Variants in PAICS observed in about 807,000 individuals in gnomAD.
PAICS encodes bifunctional phosphoribosylaminoimidazole carboxylase/phosphoribosylaminoimidazole succinocarboxamide synthetase.
Under a neutral mutation model 53.7 loss-of-function variants are expected in PAICS, and 33 were observed. The ratio of observed to expected loss-of-function variants is 0.61; its 90% CI spans 0.47 to 0.82. The LOEUF (loss-of-function observed/expected upper bound fraction) is 0.82, where lower values mean the gene tolerates loss of function less well. Ranked by LOEUF, PAICS falls within the 40% of genes least tolerant of loss-of-function variation. PAICS has a pLI of 0.00. For missense variants in PAICS, 394 were observed against 494.1 expected, an observed-to-expected ratio of 0.80 and a Z score of 1.92; for synonymous variants, 141 against 167.2, an observed-to-expected ratio of 0.84 and a Z score of 1.21.
chr4:56,444,666 T>C (rs1445966968), intron 2 of PAICS, among the ~76,000 whole-genome samples: 1 of 152,192 alleles, frequency 6.6e-6, no homozygotes, highest in East Asian at 1.9e-4. Flanking sequence ...GAATTTGCTT[T>C]CATATTTAGC....
At chr4:56,416,445 T>C in the PAICS span, 8 of 509,566 alleles carry the variant, frequency 1.6e-5, no homozygotes, top group Non-Finnish European at 2.0e-5. Context: ...CTAGGTATAG[T>C]ATAATGGATG....
At chr4:56,428,117 C>T in the PAICS span, among the ~76,000 whole-genome samples, 1 of 152,164 alleles carries the variant, frequency 6.6e-6, no homozygotes, top group East Asian at 1.9e-4. Flanking sequence ...CACAAAATTT[C>T]TTTTGACTCA....
the PAICS span, among the ~76,000 whole-genome samples, chr4:56,427,773 C>T: frequency 6.6e-6 from 1 of 152,132 alleles, no homozygotes; most frequent in East Asian, 1.9e-4. Flanking sequence ...CCCCCTGCTG[C>T]ACATCATCAC....
chr4:56,416,148 T>C, the PAICS span, among the ~76,000 whole-genome samples: 9 of 152,250 alleles, frequency 5.9e-5, no homozygotes, highest in East Asian at 1.5e-3. Flanking sequence ...CAAACAATTC[T>C]AGCAGAACTT....
chr4:56,444,662 G>C (rs1277485095), intron 2 of PAICS, among the ~76,000 whole-genome samples: 1 of 152,066 alleles, frequency 6.6e-6, no homozygotes, highest in Admixed American at 6.6e-5. Context: ...CATGGAATTT[G>C]CTTTCATATT....
chr4:56,430,420 A>G, the PAICS span, among the ~76,000 whole-genome samples: 1 of 152,166 alleles, frequency 6.6e-6, no homozygotes, highest in African/African-American at 2.4e-5. Context: ...TCCTGAACCA[A>G]TAAGGTCTCT....
intron 1 of PAICS, chr4:56,436,631 A>G (rs1240783082): frequency 3.1e-6 from 2 of 649,342 alleles, no homozygotes; most frequent in Non-Finnish European, 5.7e-6. Flanking sequence ...GATTCGTCAA[A>G]ACCTGAGTCT....
upstream of PAICS, among the ~76,000 whole-genome samples, chr4:56,432,533 A>G (rs1717643754): frequency 6.6e-6 from 1 of 151,426 alleles, no homozygotes; most frequent in Non-Finnish European, 1.5e-5. Context: ...CTCAAAAAAA[A>G]AAAAAAAAAA....
Position 56,446,756 on chromosome 4 carries a change from A to C in PAICS, c.276A>C (p.Glu92Asp). ...GETAFIAPQC[E>D]MIPIEWVCRR... is the part of the protein sequence containing the mutation. ...CAGCTTTCATTGCACCGCAGTGTGAAATGATTCCAATTGAATGGGTTTGCA... is the reference window on the plus strand; with the variant it reads ...CAGCTTTCATTGCACCGCAGTGTGACATGATTCCAATTGAATGGGTTTGCA... The change falls in exon 3 of 9, where the codon GAA becomes GAC. Residue 92 changes from glutamate to aspartate, a missense_variant. By Grantham distance (45) the Glu-to-Asp change is conservative. This residue lies in a region of PAICS where 168 missense variants were observed against 199.3 expected (regional missense o/e 0.84). Coordinates refer to ENST00000512576, the MANE Select transcript of PAICS (RefSeq NM_001079524.2). The C allele has an allele frequency of 1.2e-6, 2 of 1,607,160 alleles. No individual in the cohort carries two copies. The highest frequency in any genetic ancestry group is 1.7e-6 in the Non-Finnish European group (2 of 1,176,160).
At chr4:56,439,183 C>T (rs961875337) in intron 1 of PAICS, among the ~76,000 whole-genome samples, 1 of 152,134 alleles carries the variant, frequency 6.6e-6, no homozygotes, top group Non-Finnish European at 1.5e-5. Flanking sequence ...GGGCTTACTG[C>T]ATATTAATAT....
chr4:56,415,063 AG>A, the PAICS span, among the ~76,000 whole-genome samples: 1 of 152,214 alleles, frequency 6.6e-6, no homozygotes, highest in Non-Finnish European at 1.5e-5. Flanking sequence ...AAGATGATAA[AG>A]AGCATATCTT....
At chr4:56,451,539 G>T (rs917401835) in intron 6 of PAICS, among the ~76,000 whole-genome samples, 2 of 152,052 alleles carry the variant, frequency 1.3e-5, no homozygotes, top group African/African-American at 4.8e-5. Flanking sequence ...ATACCTTAAA[G>T]CTTCCATTAA....
chr4:56,412,064 A>G, the PAICS span, among the ~76,000 whole-genome samples: 2 of 152,192 alleles, frequency 1.3e-5, no homozygotes, highest in Non-Finnish European at 1.5e-5. Context: ...AATATTGATT[A>G]ATAAATAAGT....
At chr4:56,410,899 TAAAAAAAAAAAAAAAAAA>T in the PAICS span, 5 of 676,422 alleles carry the variant, frequency 7.4e-6, no homozygotes, top group Middle Eastern at 7.6e-4. Flanking sequence ...CCACTGAAGG[TAAAAAAAAAAAAAAAAAA>T]AAAAAAAAAA....
At chr4:56,444,672 T>C (rs187166356) in intron 2 of PAICS, among the ~76,000 whole-genome samples, 4 of 152,324 alleles carry the variant, frequency 2.6e-5, no homozygotes, top group African/African-American at 9.6e-5. Flanking sequence ...GCTTTCATAT[T>C]TAGCAGTATT....
At chr4:56,452,998 G>A (rs768171181) in intron 7 of PAICS, among the ~76,000 whole-genome samples, 1 of 152,094 alleles carries the variant, frequency 6.6e-6, no homozygotes, top group Non-Finnish European at 1.5e-5. Context: ...TCAGAAAATT[G>A]CAAATACATA....
upstream of PAICS, chr4:56,435,418 T>C (rs899040195): frequency 6.2e-7 from 1 of 1,613,650 alleles, no homozygotes; most frequent in Non-Finnish European, 8.5e-7. Context: ...GCCACTCTCC[T>C]GAGGCGATGC....
upstream of PAICS, among the ~76,000 whole-genome samples, chr4:56,434,613 T>TCC (rs1717796880): frequency 6.6e-6 from 1 of 152,144 alleles, no homozygotes; most frequent in South Asian, 2.1e-4. Flanking sequence ...TACTCCCCTG[T>TCC]CCCCCTTTTG....
intron 8 of PAICS, among the ~76,000 whole-genome samples, chr4:56,457,527 A>C (rs988253212): frequency 2.6e-5 from 4 of 152,188 alleles, no homozygotes; most frequent in Admixed American, 2.6e-4. Flanking sequence ...ACTTCGAGTC[A>C]GTCATCTTCT....
Sources: allele counts gnomAD v4.1 joint callset (sites outside exome capture counted in the v4.1 genomes callset), GRCh38; gene constraint gnomAD v4.1.1; regional missense constraint gnomAD v4.1.1; transcripts MANE v1.5; gene names NCBI Gene and HGNC (gene_info 2026-07-23, HGNC 2026-07-21).